Variants in PTPRM observed in about 807,000 individuals in gnomAD.
The protein encoded by PTPRM is receptor-type tyrosine-protein phosphatase mu.
Under a neutral mutation model 186.7 loss-of-function variants are expected in PTPRM, and 47 were observed. The observed-to-expected ratio is 0.25, with a 90% CI of 0.20 to 0.32. The LOEUF (loss-of-function observed/expected upper bound fraction) is 0.32. PTPRM is among the 10% of genes least tolerant of loss of function. The pLI, the probability that PTPRM is intolerant of heterozygous loss-of-function variation, is 1.00. For missense variants in PTPRM, 1,494 were observed against 1,865.0 expected (o/e 0.80, Z 3.66); for synonymous variants, 668 against 674.9 (o/e 0.99, Z 0.16).
chr18:7,782,530 C>T (rs2042906595), intron 2 of PTPRM, among the ~76,000 whole-genome samples: 1 of 152,136 alleles, frequency 6.6e-6, no homozygotes, highest in Non-Finnish European at 1.5e-5. Flanking sequence ...CACCATTGTC[C>T]TTCTCCAGAA....
chr18:7,652,297 T>C (rs1598301362), intron 1 of PTPRM, among the ~76,000 whole-genome samples: 1 of 152,142 alleles, frequency 6.6e-6, no homozygotes, highest in Non-Finnish European at 1.5e-5. Context: ...ACTTTTACAC[T>C]GTTGGTGGGA....
chr18:7,921,660 G>A (rs536499202), intron 4 of PTPRM, among the ~76,000 whole-genome samples: 90 of 152,170 alleles, frequency 5.9e-4, no homozygotes, highest in African/African-American at 2.1e-3. Flanking sequence ...GATTACAGGC[G>A]TGAGCCACCG....
chr18:8,348,644 G>A (rs551196485), intron 23 of PTPRM, among the ~76,000 whole-genome samples: 1 of 152,156 alleles, frequency 6.6e-6, no homozygotes, highest in Non-Finnish European at 1.5e-5. Flanking sequence ...CACCGTTTGT[G>A]TGGAGATTCA....
At chr18:7,795,030 C>T (rs914301428) in intron 2 of PTPRM, among the ~76,000 whole-genome samples, 2 of 152,202 alleles carry the variant, frequency 1.3e-5, no homozygotes, top group African/African-American at 4.8e-5. Flanking sequence ...TTAAAAGATG[C>T]TCTTCTCTCG....
chr18:8,194,487 G>C (rs759911767), intron 14 of PTPRM, among the ~76,000 whole-genome samples: 5 of 152,230 alleles, frequency 3.3e-5, no homozygotes, highest in Non-Finnish European at 7.3e-5. Context: ...AGGGCTCCGT[G>C]TGAGGACTGA....
intron 13 of PTPRM, among the ~76,000 whole-genome samples, chr18:8,127,350 C>G (rs2092393889): frequency 2.0e-5 from 3 of 150,350 alleles, no homozygotes; most frequent in South Asian, 4.3e-4. Context: ...TTTTATATAT[C>G]TTTAAACTTT....
At position 7,648,204 on chromosome 18, in the gene PTPRM, C is replaced by T. The variant is rs973963526; in HGVS notation, c.73+80313C>T. ...GTAATTGTTTTGGGATGCCATGAAC[C>T]GTGCCCATATAAGACTGTCAACTTA... On this transcript the variant is annotated intron_variant, in intron 1 of 32. Coordinates refer to ENST00000580170, the MANE Select transcript of PTPRM (RefSeq NM_001105244.2). Among the ~76,000 whole-genome samples the T allele has an allele frequency of 5.3e-5, 8 of 152,136 alleles. No homozygotes were observed. In the East Asian group the frequency reaches 5.8e-4, roughly 11 times the overall value.
intron 11 of PTPRM, among the ~76,000 whole-genome samples, chr18:8,105,903 C>T (rs1188858414): frequency 2.6e-5 from 4 of 152,142 alleles, no homozygotes; most frequent in African/African-American, 9.7e-5. Flanking sequence ...GCCTTTGTAG[C>T]CTAAGGAGTG....
rs953758103 is a variant in PTPRM at position 7,676,691 on chromosome 18, G to A, written c.74-97458G>A. On this transcript the variant is annotated intron_variant, in intron 1 of 32. Transcript: ENST00000580170. Reference sequence around the variant, plus strand: ...TGTGTGTGTGTGTGTGTGTGTGTGCGCGTGCACGCGCACGCGCATGGATTA... The same window carrying A: ...TGTGTGTGTGTGTGTGTGTGTGTGCACGTGCACGCGCACGCGCATGGATTA... Among the ~76,000 whole-genome samples the A allele has an allele frequency of 7.2e-5, 11 of 151,726 alleles. 1 individual carries two copies. In the East Asian group the frequency reaches 7.8e-4, roughly 11 times the overall value.
At chr18:8,218,001 G>A (rs749297852) in intron 14 of PTPRM, among the ~76,000 whole-genome samples, 45 of 152,134 alleles carry the variant, frequency 3.0e-4, no homozygotes, top group Admixed American at 1.1e-3. Flanking sequence ...GTTACCCTTC[G>A]GTTCAGTTCT....
At chr18:7,613,902 G>GA (rs1456342464) in intron 1 of PTPRM, among the ~76,000 whole-genome samples, 2 of 152,112 alleles carry the variant, frequency 1.3e-5, no homozygotes, top group African/African-American at 4.8e-5. Flanking sequence ...ATGCTCTGTT[G>GA]AATGGAAATC....
At chr18:7,761,577 C>CT (rs1365941697) in intron 1 of PTPRM, among the ~76,000 whole-genome samples, 3 of 152,130 alleles carry the variant, frequency 2.0e-5, no homozygotes, top group African/African-American at 4.8e-5. Flanking sequence ...CTCTGGTTTT[C>CT]TTTTTTTTAT....
chr18:8,363,718 C>T (rs2095610917), intron 23 of PTPRM, among the ~76,000 whole-genome samples: 1 of 152,098 alleles, frequency 6.6e-6, no homozygotes, highest in Admixed American at 6.5e-5. Flanking sequence ...AACATGTCTC[C>T]TGAAAGTCTG....
At chr18:7,641,362 A>C (rs2038438654) in intron 1 of PTPRM, among the ~76,000 whole-genome samples, 2 of 152,332 alleles carry the variant, frequency 1.3e-5, no homozygotes, top group South Asian at 2.1e-4. Context: ...AATACCCATA[A>C]TATTAAGAAA....
chr18:7,990,417 G>A (rs2083203442), intron 7 of PTPRM, among the ~76,000 whole-genome samples: 1 of 152,146 alleles, frequency 6.6e-6, no homozygotes, highest in Non-Finnish European at 1.5e-5. Context: ...AGACTATGTT[G>A]ACTTACTTTG....
chr18:7,671,736 G>A (rs1406049733), intron 1 of PTPRM, among the ~76,000 whole-genome samples: 1 of 152,140 alleles, frequency 6.6e-6, no homozygotes, highest in Non-Finnish European at 1.5e-5. Flanking sequence ...CCAGGTGGGG[G>A]CAGAGAAAGC....
Position 7,568,790 on chromosome 18 carries a change from T to C in PTPRM, c.73+899T>C, listed in dbSNP as rs1267580813. 6.6e-6 allele frequency among the ~76,000 whole-genome samples: 1 copy of C among 152,098 alleles called. No homozygotes were observed. Among genetic ancestry groups the C allele is most frequent in the East Asian group, 1.9e-4 (1 of 5,158 alleles). ...AGGAACCCCTCACGGAGAGGATCTG[T>C]GGATCGGAGTCGGGGGTCCGGCGTG... On this transcript the variant is annotated intron_variant, in intron 1 of 32. Coordinates refer to ENST00000580170, the MANE Select transcript of PTPRM (RefSeq NM_001105244.2). This position sits in a 1 kb window ranked among gnomAD's most constrained non-coding sequence, Gnocchi z 5.1.
At chr18:8,326,780 C>T (rs1282288646) in intron 22 of PTPRM, among the ~76,000 whole-genome samples, 1 of 152,112 alleles carries the variant, frequency 6.6e-6, no homozygotes, top group Non-Finnish European at 1.5e-5. Context: ...CTTCCTTATA[C>T]CATATACAAA....
chr18:8,374,908 G>A (rs1449435285), intron 24 of PTPRM, among the ~76,000 whole-genome samples: 1 of 152,202 alleles, frequency 6.6e-6, no homozygotes, highest in Non-Finnish European at 1.5e-5. Flanking sequence ...GATGGTGAAA[G>A]TGATGAGGTT....
Sources: gnomAD v4.1 joint callset for allele counts (sites outside exome capture counted in the v4.1 genomes callset) on GRCh38, gnomAD v4.1.1 for gene constraint, Gnocchi (gnomAD v3.1) non-coding constraint, MANE v1.5 for transcripts, NCBI Gene and HGNC (gene_info 2026-07-23, HGNC 2026-07-21) for gene names.